The following TCF12 variants were observed in gnomAD, a reference collection of about 807,000 sequenced individuals.
TCF12 encodes the protein DNA-binding protein HTF4.
Under a neutral mutation model 86.0 loss-of-function variants are expected in TCF12, and 45 were observed. The ratio of observed to expected loss-of-function variants is 0.52; its 90% CI spans 0.41 to 0.67. The LOEUF (loss-of-function observed/expected upper bound fraction) is 0.67. TCF12 is among the 30% of genes least tolerant of loss of function. TCF12 has a pLI of 0.00. For synonymous variants in TCF12, 330 were observed against 299.6 expected (o/e 1.10, Z -1.05); for missense variants, 881 against 859.9 (o/e 1.02, Z -0.31).
chr15:57,043,943 C>CT (rs532331856), intron 3 of TCF12, among the ~76,000 whole-genome samples: 27 of 149,104 alleles, frequency 1.8e-4, no homozygotes, highest in South Asian at 6.4e-4. Flanking sequence ...CCATATTAAA[C>CT]TTTTTTTTTT....
intron 3 of TCF12, among the ~76,000 whole-genome samples, chr15:56,954,843 G>C (rs2061431599): frequency 6.6e-6 from 1 of 151,802 alleles, no homozygotes; most frequent in Admixed American, 6.6e-5. Flanking sequence ...AGTCATCAGA[G>C]AACTGAGATA....
At chr15:57,066,518 G>A (rs114740722) in intron 4 of TCF12, among the ~76,000 whole-genome samples, 1 of 151,918 alleles carries the variant, frequency 6.6e-6, no homozygotes. Context: ...TCTATCAGCA[G>A]ATTCCATTAT....
At chr15:57,083,432 G>A (rs2048436968) in intron 4 of TCF12, among the ~76,000 whole-genome samples, 1 of 148,930 alleles carries the variant, frequency 6.7e-6, no homozygotes, top group Non-Finnish European at 1.5e-5. Flanking sequence ...TTTTAATCAT[G>A]TTAAAGGAAA....
At chr15:56,937,007 A>G (rs2060498176) in intron 3 of TCF12, among the ~76,000 whole-genome samples, 1 of 152,144 alleles carries the variant, frequency 6.6e-6, no homozygotes, top group African/African-American at 2.4e-5. Flanking sequence ...TCTGTGAAGA[A>G]TGATCATGGT....
intron 5 of TCF12, among the ~76,000 whole-genome samples, chr15:57,151,318 A>G (rs1209545369): frequency 6.6e-6 from 1 of 151,708 alleles, no homozygotes; most frequent in African/African-American, 2.4e-5. Context: ...AAAATACAGT[A>G]TCTGAAATGA....
At chr15:57,206,929 GAAAAA>G (rs35816408) in intron 8 of TCF12, among the ~76,000 whole-genome samples, 1 of 125,952 alleles carries the variant, frequency 7.9e-6, no homozygotes, top group Non-Finnish European at 1.6e-5. Context: ...TGTCTCTACA[GAAAAA>G]AAAAAAAAAG....
intron 3 of TCF12, among the ~76,000 whole-genome samples, chr15:57,015,641 T>G (rs1222476876): frequency 1.3e-5 from 2 of 152,166 alleles, no homozygotes; most frequent in African/African-American, 4.8e-5. Context: ...GTCTCTGGAG[T>G]GTCCATTTGT....
At chr15:57,188,346 C>T (rs1472102434) in intron 6 of TCF12, among the ~76,000 whole-genome samples, 3 of 152,074 alleles carry the variant, frequency 2.0e-5, no homozygotes, top group Admixed American at 6.6e-5. Context: ...AATGTAAACA[C>T]ATCTGGTATT....
intron 5 of TCF12, among the ~76,000 whole-genome samples, chr15:57,112,256 C>T (rs1190532602): frequency 6.6e-6 from 1 of 152,184 alleles, no homozygotes; most frequent in African/African-American, 2.4e-5. Context: ...GACCTGATCT[C>T]ACTTGAATTT....
chr15:57,179,422 A>G (rs941605928), intron 6 of TCF12, among the ~76,000 whole-genome samples: 1 of 152,182 alleles, frequency 6.6e-6, no homozygotes, highest in Admixed American at 6.5e-5. Flanking sequence ...CAGGAGGTGG[A>G]GGCTGCAGTG....
chr15:57,231,285 A>T, intron 9 of TCF12, 28 bp downstream of exon 9: 1 of 1,440,032 alleles, frequency 6.9e-7, no homozygotes, highest in Non-Finnish European at 9.8e-7. Flanking sequence ...ATTGCCAAAT[A>T]CTACTGCAGT....
chr15:57,182,139 C>A (rs1163172583), intron 6 of TCF12, among the ~76,000 whole-genome samples: 1 of 152,018 alleles, frequency 6.6e-6, no homozygotes, highest in Non-Finnish European at 1.5e-5. Flanking sequence ...CCGGAGATAC[C>A]TCCAGGACAA....
chr15:57,060,439 AT>A (rs2141685332), intron 3 of TCF12, among the ~76,000 whole-genome samples: 1 of 152,332 alleles, frequency 6.6e-6, no homozygotes, highest in East Asian at 1.9e-4. Context: ...GAAAAAAATA[AT>A]TTACGTCTTT....
intron 18 of TCF12, among the ~76,000 whole-genome samples, chr15:57,271,806 A>T (rs1190458580): frequency 6.6e-6 from 1 of 152,214 alleles, no homozygotes; most frequent in African/African-American, 2.4e-5. Flanking sequence ...TACACATGTA[A>T]TAATAAAATT....
At chr15:56,942,187 T>G (rs1289646384) in intron 3 of TCF12, among the ~76,000 whole-genome samples, 1 of 152,228 alleles carries the variant, frequency 6.6e-6, no homozygotes, top group Non-Finnish European at 1.5e-5. Context: ...TATTCAGTGA[T>G]TCTAAGATGA....
intron 3 of TCF12, among the ~76,000 whole-genome samples, chr15:56,937,344 C>T (rs1335449057): frequency 2.0e-5 from 3 of 151,382 alleles, no homozygotes; most frequent in African/African-American, 7.3e-5. Context: ...TTGCTGAATT[C>T]ATGTATGAGT....
intron 3 of TCF12, among the ~76,000 whole-genome samples, chr15:57,022,054 T>G (rs908404412): frequency 6.6e-6 from 1 of 151,996 alleles, no homozygotes; most frequent in African/African-American, 2.4e-5. Context: ...TTTCTTTTTT[T>G]TATGTATGTA....
chr15:57,117,759 T>G (rs554997813), intron 5 of TCF12, among the ~76,000 whole-genome samples: 1 of 152,340 alleles, frequency 6.6e-6, no homozygotes, highest in East Asian at 1.9e-4. Context: ...GGCCATTTTA[T>G]TTCATTTAGA....
At chr15:57,101,770 G>A (rs2049772571) in intron 5 of TCF12, among the ~76,000 whole-genome samples, 1 of 152,170 alleles carries the variant, frequency 6.6e-6, no homozygotes, top group Admixed American at 6.5e-5. Context: ...TATACCTCTG[G>A]AGGATTATCA....
Sources: gnomAD v4.1 joint callset for allele counts (sites outside exome capture counted in the v4.1 genomes callset) on GRCh38, gnomAD v4.1.1 for gene constraint, MANE v1.5 for transcripts, NCBI Gene and HGNC (gene_info 2026-07-23, HGNC 2026-07-21) for gene names.